CLIC2: variants seen among roughly 807,000 people sequenced by gnomAD.
The protein encoded by CLIC2 is CLIC family member 2.
In CLIC2, 9 loss-of-function variants were observed where a neutral mutation model predicts 14.8. That is an observed-to-expected ratio of 0.61 (90% CI 0.37 to 1.06). CLIC2 has a LOEUF of 1.06. Ranked by LOEUF, CLIC2 falls within the 50% of genes least tolerant of loss-of-function variation. The pLI is 0.01. For missense variants in CLIC2, 148 were observed against 181.4 expected (o/e 0.82, Z 1.06); for synonymous variants, 61 against 66.3 (o/e 0.92, Z 0.39).
intron 1 of CLIC2, among the ~76,000 whole-genome samples, chrX:155,311,966 A>G (rs1182594254): frequency 6.3e-5 from 7 of 111,805 alleles, no homozygotes; most frequent in African/African-American, 2.3e-4. Context: ...CCCTCCCACA[A>G]CATGAGGGAA....
chrX:155,315,284 A>C (rs2075091100), intron 1 of CLIC2, among the ~76,000 whole-genome samples: 1 of 112,254 alleles, frequency 8.9e-6, no homozygotes, highest in Non-Finnish European at 1.9e-5. Flanking sequence ...TCACAAAAAG[A>C]TAATTGCCTA....
At chrX:155,297,884 A>AAAAAAAAAAAAAAAGAAG (rs1557318527) in intron 3 of CLIC2, among the ~76,000 whole-genome samples, 3 of 45,217 alleles carry the variant, frequency 6.6e-5, no homozygotes, top group Admixed American at 3.2e-4. Context: ...AAAAAAAAAA[A>AAAAAAAAAAAAAAAGAAG]AAGAAGGTGA....
rs1476288172 is a variant in CLIC2 at position 155,276,796 on chromosome X, C to A, written c.*1107G>T. ...TATCAACATGATTGCATTTCTCTGCCACCTAACCATACACTATACATTTAT... is the reference window on the plus strand; with the variant it reads ...TATCAACATGATTGCATTTCTCTGCAACCTAACCATACACTATACATTTAT... On this transcript the variant is annotated 3_prime_UTR_variant, in exon 6 of 6. Transcript: ENST00000369449. The A allele has an allele frequency of 8.9e-6, 1 of 112,156 alleles. No individual in the cohort carries two copies. Among genetic ancestry groups the A allele is most frequent in the Non-Finnish European group, 1.9e-5 (1 of 53,175 alleles). 9.2% of individuals were successfully genotyped at this position (112,156 alleles called of 1,213,427 possible).
chrX:155,308,471 G>C (rs2075063221), intron 1 of CLIC2, among the ~76,000 whole-genome samples: 1 of 111,708 alleles, frequency 9.0e-6, no homozygotes, highest in South Asian at 3.7e-4. Context: ...AGGAGGTAGA[G>C]AAAGAGATAG....
At chrX:155,293,100 C>T in intron 3 of CLIC2, 5 of 619,301 alleles carry the variant, frequency 8.1e-6, no homozygotes, top group Non-Finnish European at 1.4e-5. Flanking sequence ...CAGATGACGG[C>T]GAAGATGGTT....
chrX:155,302,097 A>T (rs1428084236), intron 1 of CLIC2, among the ~76,000 whole-genome samples: 1 of 104,743 alleles, frequency 9.5e-6, no homozygotes, highest in Admixed American at 1.0e-4. Context: ...GCCTCATAAA[A>T]TGAGTTAGGG....
intron 3 of CLIC2, among the ~76,000 whole-genome samples, chrX:155,296,933 A>G (rs1227604439): frequency 8.9e-6 from 1 of 112,139 alleles, no homozygotes; most frequent in African/African-American, 3.2e-5. Flanking sequence ...TAGCACTACC[A>G]TAAGATCCAA....
At chrX:155,282,181 A>G (rs1008549939) in intron 3 of CLIC2, among the ~76,000 whole-genome samples, 5 of 111,861 alleles carry the variant, frequency 4.5e-5, no homozygotes, top group African/African-American at 1.6e-4. Flanking sequence ...ACACATGGAC[A>G]TCCCTTGCTC....
chrX:155,326,867 G>A (rs1268578653), intron 1 of CLIC2, among the ~76,000 whole-genome samples: 5 of 111,483 alleles, frequency 4.5e-5, no homozygotes, highest in Non-Finnish European at 7.6e-5. Flanking sequence ...TTCCATTTAC[G>A]TAACATTCTT....
chrX:155,292,537 G>C, intron 3 of CLIC2: 1 of 462,886 alleles, frequency 2.2e-6, no homozygotes, highest in Non-Finnish European at 3.9e-6. Flanking sequence ...TTGGGAGGCC[G>C]AGGTGGGCAG....
intron 3 of CLIC2, among the ~76,000 whole-genome samples, chrX:155,281,590 A>G (rs1211986998): frequency 9.0e-6 from 1 of 110,893 alleles, no homozygotes; most frequent in Non-Finnish European, 1.9e-5. Flanking sequence ...CTTTCCTTCT[A>G]ACTCCACATT....
intron 3 of CLIC2, among the ~76,000 whole-genome samples, chrX:155,296,658 A>T (rs371604840): frequency 2.7e-5 from 3 of 111,725 alleles, no homozygotes; most frequent in African/African-American, 9.7e-5. Context: ...CAATAAAAAA[A>T]ATCTCATAAA....
chrX:155,299,607 G>C (rs1159024984), intron 1 of CLIC2, among the ~76,000 whole-genome samples: 1 of 108,538 alleles, frequency 9.2e-6, no homozygotes, highest in Non-Finnish European at 1.9e-5. Context: ...TTAAGTTTTA[G>C]GGTACATGTG....
intron 1 of CLIC2, among the ~76,000 whole-genome samples, chrX:155,303,844 T>C (rs1462179364): frequency 9.6e-6 from 1 of 103,967 alleles, no homozygotes; most frequent in Non-Finnish European, 2.0e-5. Flanking sequence ...TCATGAAGCT[T>C]AGTTTGGCTG....
At chrX:155,315,493 T>G (rs782596967) in intron 1 of CLIC2, among the ~76,000 whole-genome samples, 1 of 112,090 alleles carries the variant, frequency 8.9e-6, no homozygotes, top group African/African-American at 3.2e-5. Flanking sequence ...CCAAGAATTT[T>G]GTATCCAGTG....
chrX:155,313,706 G>A (rs1970907120), intron 1 of CLIC2, among the ~76,000 whole-genome samples: 1 of 111,906 alleles, frequency 8.9e-6, no homozygotes, highest in Admixed American at 9.5e-5. Flanking sequence ...TGAAGGAACT[G>A]GAGCACTGCT....
chrX:155,284,906 C>T (rs112944065), intron 3 of CLIC2, among the ~76,000 whole-genome samples: 4,010 of 112,116 alleles, frequency 0.036, 91 homozygotes, highest in Middle Eastern at 0.065. Flanking sequence ...AAAAATGCCA[C>T]AGAACTCTCA....
At chrX:155,308,184 C>T (rs1557320204) in intron 1 of CLIC2, among the ~76,000 whole-genome samples, 1 of 109,948 alleles carries the variant, frequency 9.1e-6, no homozygotes, top group African/African-American at 3.3e-5. Flanking sequence ...ACAGAGAATT[C>T]TATCAGGTAA....
intron 3 of CLIC2, chrX:155,292,555 G>T: frequency 2.3e-6 from 1 of 432,550 alleles, no homozygotes; most frequent in Non-Finnish European, 4.1e-6. Flanking sequence ...CAGATCACGA[G>T]GTCAGGAGAT....
Sources: gnomAD v4.1 joint callset for allele counts (sites outside exome capture counted in the v4.1 genomes callset) on GRCh38, gnomAD v4.1.1 for gene constraint, MANE v1.5 for transcripts, NCBI Gene and HGNC (gene_info 2026-07-23, HGNC 2026-07-21) for gene names.